CTNNA3: variants seen among roughly 807,000 people sequenced by gnomAD.
CTNNA3 encodes catenin alpha-3.
In CTNNA3, 76 loss-of-function variants were observed where a neutral mutation model predicts 95.7. The observed-to-expected ratio is 0.79, with a 90% CI of 0.66 to 0.96. The LOEUF is 0.96. Ranked by LOEUF, CTNNA3 falls within the 40% of genes least tolerant of loss-of-function variation. The pLI is 0.00. For missense variants in CTNNA3, 1,191 were observed against 1,089.8 expected, an observed-to-expected ratio of 1.09 and a Z score of -1.31; for synonymous variants, 431 against 374.4, an observed-to-expected ratio of 1.15 and a Z score of -1.74.
At chr10:66,167,369 A>G (rs1271437732) in intron 13 of CTNNA3, among the ~76,000 whole-genome samples, 1 of 152,206 alleles carries the variant, frequency 6.6e-6, no homozygotes, top group Non-Finnish European at 1.5e-5. Context: ...CAAATGTGAC[A>G]GCAAACGTTA....
intron 13 of CTNNA3, among the ~76,000 whole-genome samples, chr10:66,152,329 T>C (rs1454742196): frequency 6.6e-6 from 1 of 151,930 alleles, no homozygotes; most frequent in Non-Finnish European, 1.5e-5. Flanking sequence ...CAGATATTAA[T>C]TGTAAATGAT....
At chr10:66,368,213 C>A (rs749007673) in intron 12 of CTNNA3, among the ~76,000 whole-genome samples, 1 of 151,950 alleles carries the variant, frequency 6.6e-6, no homozygotes, top group Non-Finnish European at 1.5e-5. Flanking sequence ...ATTCTAAGAT[C>A]ATGTTAATTT....
intron 7 of CTNNA3, among the ~76,000 whole-genome samples, chr10:67,058,549 A>G (rs1855573470): frequency 6.6e-6 from 1 of 152,184 alleles, no homozygotes. Flanking sequence ...TGACTGGCCC[A>G]TGAACTATAT....
chr10:67,196,294 T>C (rs1863367367), intron 6 of CTNNA3, among the ~76,000 whole-genome samples: 1 of 152,046 alleles, frequency 6.6e-6, no homozygotes, highest in African/African-American at 2.4e-5. Context: ...AGATGATCAA[T>C]ACAAATTATT....
At chr10:67,746,999 C>T (rs1005235582) in intron 1 of CTNNA3, among the ~76,000 whole-genome samples, 2 of 152,212 alleles carry the variant, frequency 1.3e-5, no homozygotes, top group African/African-American at 2.4e-5. Flanking sequence ...GTACAGCACA[C>T]CACCTGTGGC....
chr10:67,259,230 C>A (rs188849180), intron 5 of CTNNA3, among the ~76,000 whole-genome samples: 21 of 152,046 alleles, frequency 1.4e-4, no homozygotes, highest in Admixed American at 1.4e-3. Context: ...GAACCTAAAC[C>A]CATTCTGCGG....
At chr10:66,890,325 T>C (rs1248793267) in intron 7 of CTNNA3, among the ~76,000 whole-genome samples, 2 of 150,354 alleles carry the variant, frequency 1.3e-5, no homozygotes, top group Admixed American at 6.6e-5. Flanking sequence ...AGTATGCAAG[T>C]GAACGTAGGA....
chr10:66,546,378 A>C (rs529732462), intron 10 of CTNNA3, among the ~76,000 whole-genome samples: 2 of 152,298 alleles, frequency 1.3e-5, no homozygotes, highest in East Asian at 3.9e-4. Flanking sequence ...TCATCATCAT[A>C]ATAATCATAA....
intron 9 of CTNNA3, among the ~76,000 whole-genome samples, chr10:66,665,582 T>A (rs1846423021): frequency 6.6e-6 from 1 of 152,142 alleles, no homozygotes; most frequent in Admixed American, 6.5e-5. Flanking sequence ...AAAAAGTCAA[T>A]TGATGGATTC....
intron 11 of CTNNA3, among the ~76,000 whole-genome samples, chr10:66,502,331 G>T (rs1312172428): frequency 6.6e-6 from 1 of 152,054 alleles, no homozygotes; most frequent in Non-Finnish European, 1.5e-5. Flanking sequence ...ACTTGGCTTT[G>T]CACCCTGACA....
intron 4 of CTNNA3, among the ~76,000 whole-genome samples, chr10:67,532,695 G>C (rs1840366772): frequency 6.6e-6 from 1 of 152,120 alleles, no homozygotes. Flanking sequence ...GTGGGAGCAA[G>C]ATACCAAGGA....
At chr10:66,161,176 C>T (rs2084823688) in intron 13 of CTNNA3, among the ~76,000 whole-genome samples, 1 of 152,104 alleles carries the variant, frequency 6.6e-6, no homozygotes, top group South Asian at 2.1e-4. Context: ...CATTTACATT[C>T]AAATGTTAGT....
chr10:67,732,885 C>A (rs544693472), intron 1 of CTNNA3, among the ~76,000 whole-genome samples: 1 of 98,594 alleles, frequency 1.0e-5, no homozygotes, highest in African/African-American at 8.1e-5. Flanking sequence ...CTCTCACTCA[C>A]GCACACACAC....
chr10:65,916,666 T>C lies in CTNNA3; in HGVS notation c.*3664A>G, dbSNP rs902100846. Reference sequence around the variant, plus strand: ...AAACTCTGTAAAATTTATTAGTCAATTTATACCTGGGATAGAGATGAGAGA... The same window carrying C: ...AAACTCTGTAAAATTTATTAGTCAACTTATACCTGGGATAGAGATGAGAGA... On this transcript the variant is annotated 3_prime_UTR_variant, in exon 18 of 18. Coordinates refer to ENST00000433211, the MANE Select transcript of CTNNA3 (RefSeq NM_013266.4). 179 of 152,172 alleles carry C rather than the reference T, an allele frequency of 1.2e-3. No individual in the cohort carries two copies. Among genetic ancestry groups the C allele is most frequent in the African/African-American group, 4.1e-3 (171 of 41,454 alleles). 9.4% of individuals were successfully genotyped at this position (152,172 alleles called of 1,614,324 possible).
At chr10:66,123,473 C>T (rs1488723857) in intron 13 of CTNNA3, among the ~76,000 whole-genome samples, 2 of 152,106 alleles carry the variant, frequency 1.3e-5, no homozygotes, top group Non-Finnish European at 2.9e-5. Flanking sequence ...TTTCTAGGCA[C>T]AGGGTGTAAA....
intron 4 of CTNNA3, among the ~76,000 whole-genome samples, chr10:67,528,109 T>C (rs780738885): frequency 6.6e-5 from 10 of 152,200 alleles, no homozygotes; most frequent in Non-Finnish European, 1.3e-4. Context: ...AGGGCACTCA[T>C]TTTTCTTCAG....
At chr10:66,411,526 CA>C (rs2093105501) in intron 11 of CTNNA3, among the ~76,000 whole-genome samples, 1 of 151,422 alleles carries the variant, frequency 6.6e-6, no homozygotes, top group African/African-American at 2.4e-5. Flanking sequence ...ATATGGAATT[CA>C]AAAATAAATT....
intron 3 of CTNNA3, among the ~76,000 whole-genome samples, chr10:67,552,778 G>C (rs1841079319): frequency 6.6e-6 from 1 of 152,026 alleles, no homozygotes; most frequent in Admixed American, 6.6e-5. Flanking sequence ...TTGGTTTTCT[G>C]TTCCTGCATT....
At chr10:66,650,396 T>G (rs1224577718) in intron 9 of CTNNA3, among the ~76,000 whole-genome samples, 2 of 152,150 alleles carry the variant, frequency 1.3e-5, no homozygotes, top group Non-Finnish European at 2.9e-5. Context: ...TATATGAAAC[T>G]TAAACAATAT....
Sources: gnomAD v4.1 joint callset for allele counts (sites outside exome capture counted in the v4.1 genomes callset) on GRCh38, gnomAD v4.1.1 for gene constraint, MANE v1.5 for transcripts, NCBI Gene and HGNC (gene_info 2026-07-23, HGNC 2026-07-21) for gene names.